DGKG: variants seen among roughly 807,000 people sequenced by gnomAD.
DGKG encodes the protein diacylglycerol kinase gamma.
A neutral mutation model predicts 105.3 loss-of-function variants in DGKG; 78 were observed. The observed-to-expected ratio is 0.74, with a 90% CI of 0.62 to 0.89. The LOEUF (loss-of-function observed/expected upper bound fraction) is 0.89, where lower values mean the gene tolerates loss of function less well. Ranked by LOEUF, DGKG falls within the 40% of genes least tolerant of loss-of-function variation. The probability of loss-of-function intolerance (pLI) is 0.00; values close to 1 mark genes in which losing one functional copy is unlikely to be tolerated. For missense variants in DGKG, 958 were observed against 1,020.1 expected (o/e 0.94, Z 0.83); for synonymous variants, 346 against 367.1 (o/e 0.94, Z 0.66).
intron 5 of DGKG, among the ~76,000 whole-genome samples, chr3:186,290,244 T>C (rs1276845274): frequency 2.0e-5 from 3 of 152,036 alleles, no homozygotes; most frequent in Non-Finnish European, 4.4e-5. Flanking sequence ...CAAGTAGAGA[T>C]GAAAATACAA....
At chr3:186,265,666 T>C (rs1363018401) in intron 13 of DGKG, among the ~76,000 whole-genome samples, 1 of 139,516 alleles carries the variant, frequency 7.2e-6, no homozygotes, top group Non-Finnish European at 1.6e-5. Context: ...TCTTTTTTTT[T>C]TTTTTTTTTT....
chr3:186,268,462 A>G (rs1316462365), intron 12 of DGKG, among the ~76,000 whole-genome samples: 1 of 151,970 alleles, frequency 6.6e-6, no homozygotes, highest in Non-Finnish European at 1.5e-5. Context: ...TTTTTCTCCC[A>G]CTCTGTCAGT....
chr3:186,283,860 C>T (rs1722938907), intron 7 of DGKG, among the ~76,000 whole-genome samples: 1 of 152,210 alleles, frequency 6.6e-6, no homozygotes, highest in African/African-American at 2.4e-5. Context: ...TTCAGTTTGT[C>T]TAGTGGACTT....
chr3:186,350,120 C>T (rs1310949699), intron 1 of DGKG, among the ~76,000 whole-genome samples: 2 of 152,050 alleles, frequency 1.3e-5, no homozygotes, highest in African/African-American at 4.8e-5. Flanking sequence ...GAACTCCTGA[C>T]CTCTGGTGAT....
rs574907269 is a variant in DGKG, at chr3:186,331,596, G to C, written c.-248-10889C>G. 2.6e-5 allele frequency among the ~76,000 whole-genome samples: 4 copies of C among 152,142 alleles called. No homozygotes were observed. In the South Asian group the frequency reaches 8.3e-4, roughly 31 times the overall value. ...CGCAAGATAGTCATGAAAATGTCAGGCTGAACCAAATGCCCAGGTGGGGGA... is the reference window on the plus strand; with the variant it reads ...CGCAAGATAGTCATGAAAATGTCAGCCTGAACCAAATGCCCAGGTGGGGGA... On this transcript the variant is annotated intron_variant, in intron 1 of 24. Transcript: ENST00000265022.
chr3:186,271,788 C>G (rs9825676), intron 11 of DGKG, among the ~76,000 whole-genome samples: 10,033 of 152,232 alleles, frequency 0.066, 332 homozygotes, highest in Middle Eastern at 0.16. Context: ...GTGTCTCATG[C>G]CTTTACACAT....
chr3:186,342,404 G>A (rs1726131267), intron 1 of DGKG, among the ~76,000 whole-genome samples: 1 of 152,182 alleles, frequency 6.6e-6, no homozygotes, highest in African/African-American at 2.4e-5. Context: ...GGAAGTTACA[G>A]CAGTGAAAGT....
At chr3:186,269,015 G>A in intron 11 of DGKG, 98 bp from the exon 12 acceptor site, 1 of 795,908 alleles carries the variant, frequency 1.3e-6, no homozygotes, top group Non-Finnish European at 2.1e-6. Context: ...ACGCGGGGGA[G>A]CCAGAGGGAC....
At chr3:186,335,451 A>G (rs140799357) in intron 1 of DGKG, among the ~76,000 whole-genome samples, 2 of 152,280 alleles carry the variant, frequency 1.3e-5, no homozygotes, top group Non-Finnish European at 2.9e-5. Flanking sequence ...GAAATGTTAG[A>G]CATAAACCCT....
At chr3:186,176,536 G>T (rs115418191) in intron 22 of DGKG, among the ~76,000 whole-genome samples, 203 of 152,278 alleles carry the variant, frequency 1.3e-3, no homozygotes, top group Non-Finnish European at 2.6e-3. Context: ...GGTCAGGGTT[G>T]GCCAGAATGG....
At chr3:186,208,050 T>C (rs999233445) in intron 21 of DGKG, among the ~76,000 whole-genome samples, 1 of 152,124 alleles carries the variant, frequency 6.6e-6, no homozygotes, top group Non-Finnish European at 1.5e-5. Flanking sequence ...TTCTTTTTTT[T>C]CTTTTTTTTG....
chr3:186,187,867 TGC>T (rs1717719380), intron 22 of DGKG, among the ~76,000 whole-genome samples: 1 of 152,144 alleles, frequency 6.6e-6, no homozygotes, highest in Non-Finnish European at 1.5e-5. Context: ...CTGGGTCACA[TGC>T]CACTGACAGC....
At chr3:186,205,808 G>T (rs1718703866) in intron 21 of DGKG, among the ~76,000 whole-genome samples, 1 of 152,036 alleles carries the variant, frequency 6.6e-6, no homozygotes, top group African/African-American at 2.4e-5. Flanking sequence ...GTGAGGGGGA[G>T]TTGGGAGTAT....
chr3:186,331,439 G>A (rs6803648), intron 1 of DGKG, among the ~76,000 whole-genome samples: 99,103 of 152,094 alleles, frequency 0.65, 32,790 homozygotes, highest in East Asian at 0.8. Context: ...TTACTGGCAT[G>A]TAGTCCTTAA....
At chr3:186,186,200 A>G (rs59107919) in intron 22 of DGKG, among the ~76,000 whole-genome samples, 30,665 of 151,930 alleles carry the variant, frequency 0.2, 4,797 homozygotes, top group African/African-American at 0.43. Flanking sequence ...GGAATATAAC[A>G]ATCTGATTGT....
chr3:186,167,918 T>C (rs1035297714), intron 22 of DGKG, among the ~76,000 whole-genome samples: 5 of 152,170 alleles, frequency 3.3e-5, no homozygotes, highest in African/African-American at 9.7e-5. Flanking sequence ...AAGTTAGGTG[T>C]AGAAAATGCT....
At position 186,221,871 on chromosome 3, in the gene DGKG, C is replaced by T. The variant is rs183603225; in HGVS notation, c.1827-9986G>A. ...CACACCCTCACACTACCGTGACCGC[C>T]GGGTGGGTCCTGAGGGAGCCAGCTG... On this transcript the variant is annotated intron_variant, in intron 20 of 24. Transcript: ENST00000265022. 2.6e-5 allele frequency among the ~76,000 whole-genome samples: 4 copies of T among 152,324 alleles called. No individual in the cohort carries two copies. In the East Asian group the frequency reaches 5.8e-4, roughly 22 times the overall value.
chr3:186,325,177 G>A (rs1461049342), intron 1 of DGKG, among the ~76,000 whole-genome samples: 1 of 152,148 alleles, frequency 6.6e-6, no homozygotes, highest in African/African-American at 2.4e-5. Context: ...CTTATAAGTG[G>A]GAGCTAAACA....
chr3:186,173,346 C>A (rs1466723730), intron 22 of DGKG, among the ~76,000 whole-genome samples: 2 of 152,218 alleles, frequency 1.3e-5, no homozygotes, highest in African/African-American at 4.8e-5. Flanking sequence ...CTGTAAAAAG[C>A]CATGTCCCTT....
Sources: gnomAD v4.1 joint callset for allele counts (sites outside exome capture counted in the v4.1 genomes callset) on GRCh38, gnomAD v4.1.1 for gene constraint, MANE v1.5 for transcripts, NCBI Gene and HGNC (gene_info 2026-07-23, HGNC 2026-07-21) for gene names.